Variants in CHRD observed in about 807,000 individuals in gnomAD.
The protein encoded by CHRD is chordin.
Under a neutral mutation model 113.7 loss-of-function variants are expected in CHRD, and 69 were observed. The ratio of observed to expected loss-of-function variants is 0.61; its 90% CI spans 0.50 to 0.74. CHRD has a LOEUF of 0.74. Ranked by LOEUF, CHRD falls within the 30% of genes least tolerant of loss-of-function variation. The pLI, the probability that CHRD is intolerant of heterozygous loss-of-function variation, is 0.00. For missense variants in CHRD, 1,194 were observed against 1,295.8 expected (o/e 0.92, Z 1.21); for synonymous variants, 561 against 540.8 (o/e 1.04, Z -0.52).
chr3:184,388,198 G>C lies in CHRD; in HGVS notation c.2554+165G>C, dbSNP rs1716619074. Reference sequence around the variant, plus strand: ...GCAGTGGAAAGAATGTGATATACTAGTGGGGTATGATGGGTTCTGGTTCCT... The same window carrying C: ...GCAGTGGAAAGAATGTGATATACTACTGGGGTATGATGGGTTCTGGTTCCT... On this transcript the variant is annotated intron_variant, in intron 20 of 22. Transcript: ENST00000204604. This position sits in a 1 kb window ranked among gnomAD's most constrained non-coding sequence, Gnocchi z 6.1. 6.6e-6 allele frequency among the ~76,000 whole-genome samples: 1 copy of C among 152,072 alleles called. No homozygotes were observed. The highest frequency in any genetic ancestry group is 2.1e-4 in the South Asian group (1 of 4,838).
Position 184,380,635 on chromosome 3 carries a change from C to T in CHRD, c.149-57C>T, listed in dbSNP as rs911954704. 14 of 1,385,340 alleles carry T rather than the reference C, an allele frequency of 1.0e-5. No homozygotes were observed. In the African/African-American group the frequency reaches 1.5e-4, roughly 15 times the overall value. The allele number at this position is 1,385,340 out of a possible 1,614,324, so 85.8% of individuals were successfully genotyped here. ...GGACCCGGGACCCGCGGGCAGCCCC[C>T]GGGGCGGCACACGGCGCGAGCTGGG... On this transcript the variant is annotated intron_variant, in intron 1 of 22. Coordinates refer to ENST00000204604, the Ensembl canonical transcript of CHRD. The surrounding 1 kb of genome is among the most constrained non-coding windows in gnomAD (Gnocchi z 6.3).
At position 184,381,645 on chromosome 3, in the gene CHRD, G is replaced by A. The variant is rs1262029702; in HGVS notation, c.511+21G>A. 11 of 1,604,472 alleles carry A rather than the reference G, an allele frequency of 6.9e-6. No individual in the cohort carries two copies. The highest frequency in any genetic ancestry group is 3.3e-5 in the South Asian group (3 of 90,182). ...CACGGGTAGGGGGCTGGCGAACAGC[G>A]GGGTTGTGGTTGAGGCTGGGCCACC... On this transcript the variant is annotated intron_variant, in intron 4 of 22. Coordinates refer to ENST00000204604, the Ensembl canonical transcript of CHRD. The surrounding 1 kb of genome is among the most constrained non-coding windows in gnomAD (Gnocchi z 4.7).
Position 184,387,347 on chromosome 3 carries a change from T to C in CHRD, c.2348-27T>C, listed in dbSNP as rs781421627. 3.8e-6 allele frequency: 6 copies of C among 1,591,036 alleles called. No individual in the cohort carries two copies. The South Asian group carries it at 6.9e-5, about 18-fold the overall frequency. ...GGCCCAGCTGATGAGCTCATACTAA[T>C]GGCTGCTGGGCCCTGTTCCCCACCA... On this transcript the variant is annotated intron_variant, in intron 18 of 22. Coordinates refer to ENST00000204604, the Ensembl canonical transcript of CHRD. The surrounding 1 kb of genome is among the most constrained non-coding windows in gnomAD (Gnocchi z 6.1).
chr3:184,386,898 C>A, exon 17 of CHRD: 1 of 1,614,230 alleles, frequency 6.2e-7, no homozygotes, highest in Non-Finnish European at 8.5e-7. Context: ...GCTGCCCACA[C>A]CCGGTGCAGG....
In CHRD at chr3:184,381,576, C is replaced by A. The variant is rs192063183; in HGVS notation, c.463C>A (p.Arg155Ser). ...CCCGGAGCATCGCAGTTATAGCGACCGCGGGGAGCCAGGCGCTGAGGAGCG... is the reference window on the plus strand; with the variant it reads ...CCCGGAGCATCGCAGTTATAGCGACAGCGGGGAGCCAGGCGCTGAGGAGCG... The change falls in exon 4 of 23, where the codon CGC becomes AGC. Residue 155 changes from arginine to serine, a missense_variant. By Grantham distance (110) the Arg-to-Ser change is moderately radical. Transcript: ENST00000204604. The surrounding 1 kb of genome is among the most constrained non-coding windows in gnomAD (Gnocchi z 4.7). 1.2e-6 allele frequency: 2 copies of A among 1,608,352 alleles called. No individual in the cohort carries two copies. Among genetic ancestry groups the A allele is most frequent in the Non-Finnish European group, 1.7e-6 (2 of 1,177,698 alleles).
At chr3:184,385,848 C>T (rs1017372202) in intron 14 of CHRD, among the ~76,000 whole-genome samples, 198 bp from the exon 15 acceptor site, 1 of 151,838 alleles carries the variant, frequency 6.6e-6, no homozygotes, top group African/African-American at 2.4e-5. Context: ...ATGGACTAAG[C>T]CCTTCAAGTG....
Position 184,388,894 on chromosome 3 carries a change from CA to C in CHRD, c.2712del (p.Val906CysfsTer149). ...AGTGTCTGCTCTGTCTTGTACCAGG[CA>C]GGGGTGCCTCACTGTGAGCGGGATG... On this transcript the variant is annotated frameshift_variant and splice_region_variant, in exon 22 of 23. Coordinates refer to ENST00000204604, the Ensembl canonical transcript of CHRD. LOFTEE classifies it high-confidence loss of function. This position sits in a 1 kb window ranked among gnomAD's most constrained non-coding sequence, Gnocchi z 6.1. 1 of 1,612,824 alleles carries C rather than the reference CA, an allele frequency of 6.2e-7. No homozygotes were observed. Among genetic ancestry groups the C allele is most frequent in the Non-Finnish European group, 8.5e-7 (1 of 1,179,472 alleles).
At position 184,384,017 on chromosome 3, in the gene CHRD, C is replaced by T. The variant is rs547812324; in HGVS notation, c.1440+375C>T. On this transcript the variant is annotated intron_variant, in intron 12 of 22. Coordinates refer to ENST00000204604, the Ensembl canonical transcript of CHRD. This position sits in a 1 kb window ranked among gnomAD's most constrained non-coding sequence, Gnocchi z 4.4. ...GTCTTGATCTCTTGACCTCATGGTC[C>T]GCCCACTTCGGCCTCCCAAAGTGCT... Among the ~76,000 whole-genome samples, 3 of 152,182 alleles carry T rather than the reference C, an allele frequency of 2.0e-5. No individual in the cohort carries two copies. Among genetic ancestry groups the T allele is most frequent in the East Asian group, 1.9e-4 (1 of 5,170 alleles).
At chr3:184,383,132 T>C in exon 10 of CHRD, 1 of 1,602,254 alleles carries the variant, frequency 6.2e-7, no homozygotes, top group African/African-American at 1.4e-5. Flanking sequence ...TGCGCATCAG[T>C]GGACACATTG....
At chr3:184,382,435 T>A in exon 7 of CHRD, 1 of 1,614,100 alleles carries the variant, frequency 6.2e-7, no homozygotes, top group Non-Finnish European at 8.5e-7. Context: ...CTGCGGCTCC[T>A]TAGGGCAGAA....
Position 184,380,389 on chromosome 3 carries a change from C to T in CHRD, c.71C>T (p.Ala24Val), listed in dbSNP as rs1447743373. The T allele has an allele frequency of 3.7e-6, 5 of 1,342,236 alleles. No individual in the cohort carries two copies. Among genetic ancestry groups the T allele is most frequent in the Admixed American group, 3.0e-5 (1 of 33,454 alleles). The allele number at this position is 1,342,236 out of a possible 1,614,324, so 83.1% of individuals were successfully genotyped here. A position where few individuals can be genotyped will look rare whatever the true frequency, so the allele number is the denominator to read the frequency against. Reference sequence around the variant, plus strand: ...CTGCTGCTGCTCGGCTCCCGGCCGGCCCGCGGCGCCGGCCCAGAGCCCCCC... The same window carrying T: ...CTGCTGCTGCTCGGCTCCCGGCCGGTCCGCGGCGCCGGCCCAGAGCCCCCC... The change falls in exon 1 of 23, where the codon GCC becomes GTC. Residue 24 changes from alanine to valine, a missense_variant. Ala to Val is a moderately conservative substitution (Grantham distance 64). Coordinates refer to ENST00000204604, the Ensembl canonical transcript of CHRD. This position sits in a 1 kb window ranked among gnomAD's most constrained non-coding sequence, Gnocchi z 6.3.
chr3:184,383,680 T>C lies in CHRD; in HGVS notation c.1440+38T>C, dbSNP rs140414624. The C allele has an allele frequency of 9.6e-5, 150 of 1,560,890 alleles. No homozygotes were observed. In the African/African-American group the frequency reaches 1.5e-3, roughly 16 times the overall value. On this transcript the variant is annotated intron_variant, in intron 12 of 22. Coordinates refer to ENST00000204604, the Ensembl canonical transcript of CHRD. ...GGTGGAGCTGGACCCCAGGGCCCAA[T>C]GCATGGGCTGTGGGAAGCCAGGTTG...
At position 184,384,414 on chromosome 3, in the gene CHRD, C is replaced by A; in HGVS notation, c.1441-123C>A. ...GCCTTGAAACTGGGCCTGCCAGGTCCTTATCCTGTGTTTCTGGTGTGTGGA... is the reference window on the plus strand; with the variant it reads ...GCCTTGAAACTGGGCCTGCCAGGTCATTATCCTGTGTTTCTGGTGTGTGGA... On this transcript the variant is annotated intron_variant, in intron 12 of 22. Coordinates refer to ENST00000204604, the Ensembl canonical transcript of CHRD. This position sits in a 1 kb window ranked among gnomAD's most constrained non-coding sequence, Gnocchi z 4.4. The A allele has an allele frequency of 8.4e-7, 1 of 1,194,116 alleles. No individual in the cohort carries two copies. The highest frequency in any genetic ancestry group is 3.0e-5 in the South Asian group (1 of 33,064). 74.0% of individuals were successfully genotyped at this position (1,194,116 alleles called of 1,614,324 possible).
Position 184,380,976 on chromosome 3 carries a change from C to G in CHRD, c.252+181C>G. ...CTTAGGTGCTGTTACTGATCGCCCA[C>G]TCTGTGTGAGGCTCTGTGCCAACTC... On this transcript the variant is annotated intron_variant, in intron 2 of 22. Transcript: ENST00000204604. This position sits in a 1 kb window ranked among gnomAD's most constrained non-coding sequence, Gnocchi z 6.3. The G allele has an allele frequency of 1.4e-6, 1 of 735,782 alleles. No individual in the cohort carries two copies. Among genetic ancestry groups the G allele is most frequent in the Non-Finnish European group, 2.4e-6 (1 of 416,082 alleles). The allele number at this position is 735,782 out of a possible 1,614,324, so 45.6% of individuals were successfully genotyped here. A position where few individuals can be genotyped will look rare whatever the true frequency, so the allele number is the denominator to read the frequency against.
At position 184,382,547 on chromosome 3, in the gene CHRD, C is replaced by A; in HGVS notation, c.841+17C>A. Reference sequence around the variant, plus strand: ...TGGCTGCAGGTAGGGAGCAAAGAGCCCCGGGCGTGAAGTTCTGAGTCTTCT... The same window carrying A: ...TGGCTGCAGGTAGGGAGCAAAGAGCACCGGGCGTGAAGTTCTGAGTCTTCT... On this transcript the variant is annotated intron_variant, in intron 7 of 22. Transcript: ENST00000204604. 6.2e-7 allele frequency: 1 copy of A among 1,613,436 alleles called. No individual in the cohort carries two copies. Among genetic ancestry groups the A allele is most frequent in the Non-Finnish European group, 8.5e-7 (1 of 1,179,826 alleles).
At chr3:184,383,155 G>C (rs372119331) in exon 10 of CHRD, 5 of 1,595,944 alleles carry the variant, frequency 3.1e-6, no homozygotes, top group Non-Finnish European at 2.6e-6. Context: ...GCCAGGAAGA[G>C]CTGCGACGGT....
chr3:184,383,259 G>A, intron 10 of CHRD, 53 bp from the exon 11 acceptor site: 9 of 1,593,666 alleles, frequency 5.6e-6, no homozygotes, highest in Non-Finnish European at 6.9e-6. Context: ...GTGGACTGGG[G>A]GTGTAAGCGG....
rs1205139982 is a variant in CHRD at position 184,381,070 on chromosome 3, T to C, written c.253-165T>C. 1 of 832,302 alleles carries C rather than the reference T, an allele frequency of 1.2e-6. No individual in the cohort carries two copies. The highest frequency in any genetic ancestry group is 2.0e-6 in the Non-Finnish European group (1 of 495,300). 51.6% of individuals were successfully genotyped at this position (832,302 alleles called of 1,614,324 possible). On this transcript the variant is annotated intron_variant, in intron 2 of 22. Coordinates refer to ENST00000204604, the Ensembl canonical transcript of CHRD. The surrounding 1 kb of genome is among the most constrained non-coding windows in gnomAD (Gnocchi z 4.7). The stretch of plus-strand genomic sequence containing the variant: ...GATAGAGAGTATTATTATCCCCATT[T>C]TCCAGACAGGGACCTTGAGGCCCAG...
At chr3:184,383,604 C>T in exon 12 of CHRD, 1 of 1,613,798 alleles carries the variant, frequency 6.2e-7, no homozygotes, top group Non-Finnish European at 8.5e-7. Context: ...GCGCACTGTC[C>T]TGTGCCACAT....
Sources: gnomAD v4.1 joint callset for allele counts (sites outside exome capture counted in the v4.1 genomes callset) on GRCh38, gnomAD v4.1.1 for gene constraint, Gnocchi (gnomAD v3.1) non-coding constraint, MANE v1.5 for transcripts, NCBI Gene and HGNC (gene_info 2026-07-23, HGNC 2026-07-21) for gene names.